Variants in HK1 observed in about 807,000 individuals in gnomAD.
HK1 encodes the protein hexokinase-1.
In HK1, 28 loss-of-function variants were observed where a neutral mutation model predicts 91.6. The observed-to-expected ratio is 0.31, with a 90% confidence interval of 0.23 to 0.42. HK1 has a LOEUF of 0.42. Ranked by LOEUF, HK1 falls within the 10% of genes least tolerant of loss-of-function variation. The pLI, the probability that HK1 is intolerant of heterozygous loss-of-function variation, is 1.00. For synonymous variants in HK1, 430 were observed against 468.1 expected (o/e 0.92, Z 1.05); for missense variants, 770 against 1,219.8 (o/e 0.63, Z 5.49).
intron 1 of HK1, chr10:69,270,976 T>G (rs1844127823): frequency 6.6e-6 from 1 of 152,246 alleles, no homozygotes; most frequent in Non-Finnish European, 1.5e-5. Flanking sequence ...TTCTTCTTCC[T>G]CACCCAATGG....
chr10:69,386,243 C>T lies in HK1; in HGVS notation c.1840-80C>T, dbSNP rs1339427498. On this transcript the variant is annotated intron_variant, in intron 12 of 17. Coordinates refer to ENST00000359426, the MANE Select transcript of HK1 (RefSeq NM_000188.3). ...TGTAAGCCCTCAGCAGTTGTTGACT[C>T]AGGAGGGAGGGTTGGAATTTTGTGT... The T allele has an allele frequency of 1.2e-5, 13 of 1,109,820 alleles. No individual in the cohort carries two copies. In the Admixed American group the frequency reaches 2.1e-4, roughly 18 times the overall value. 68.7% of individuals were successfully genotyped at this position (1,109,820 alleles called of 1,614,324 possible). A position where few individuals can be genotyped will look rare whatever the true frequency, so the allele number is the denominator to read the frequency against.
At chr10:69,386,547 G>T (rs1481316612) in intron 13 of HK1, 129 bp downstream of exon 13, 4 of 654,578 alleles carry the variant, frequency 6.1e-6, no homozygotes, top group Non-Finnish European at 1.1e-5. Context: ...ACTTTGGGAG[G>T]CCGAGGCGGG....
chr10:69,394,787 G>A (rs997384234), intron 15 of HK1, among the ~76,000 whole-genome samples, 163 bp from the exon 16 acceptor site: 9 of 152,128 alleles, frequency 5.9e-5, no homozygotes, highest in African/African-American at 2.2e-4. Context: ...GGTCCTTCCT[G>A]GTCCTCCCAC....
chr10:69,384,813 C>T lies in HK1; in HGVS notation c.1737C>T (p.Val579=), dbSNP rs777974873. The T allele has an allele frequency of 1.2e-5, 20 of 1,614,098 alleles. No homozygotes were observed. The African/African-American group carries it at 2.0e-4, about 16-fold the overall frequency. ...GTGEELFDHI[V]SCISDFLDYM... The stretch of plus-strand genomic sequence containing the variant: ...CCCTGCAGCTGTTTGATCACATTGT[C>T]TCCTGCATCTCTGACTTCTTGGACT... Residue 579 remains valine (V), a synonymous_variant, in exon 12 of 18, where the codon GTC becomes GTT. Coordinates refer to ENST00000359426, the MANE Select transcript of HK1 (RefSeq NM_000188.3).
At chr10:69,288,805 T>G (rs184417904) in intron 3 of HK1, 1 of 1,593,406 alleles carries the variant, frequency 6.3e-7, no homozygotes, top group African/African-American at 1.3e-5. Context: ...CTTTCTTTTT[T>G]TGAGACGTTT....
intron 1 of HK1, chr10:69,338,052 GC>G: frequency 5.8e-6 from 1 of 171,702 alleles, no homozygotes; most frequent in Admixed American, 5.7e-5. Context: ...AGGGCTCTGA[GC>G]CAGGGAAGCT....
chr10:69,344,596 ACT>A (rs1848452299), intron 2 of HK1, among the ~76,000 whole-genome samples: 1 of 152,044 alleles, frequency 6.6e-6, no homozygotes, highest in Non-Finnish European at 1.5e-5. Context: ...GTATCCTTTC[ACT>A]CTGCATCCTG....
At chr10:69,390,785 C>T (rs1375286274) in intron 14 of HK1, among the ~76,000 whole-genome samples, 1 of 152,206 alleles carries the variant, frequency 6.6e-6, no homozygotes, top group South Asian at 2.1e-4. Flanking sequence ...CTCTCAGGTC[C>T]TGGCCCTAGC....
rs1017112023 is a variant in HK1, at chr10:69,369,896, C to T, written c.875+272C>T. On this transcript the variant is annotated intron_variant, in intron 7 of 17. Coordinates refer to ENST00000359426, the MANE Select transcript of HK1 (RefSeq NM_000188.3). This position sits in a 1 kb window ranked among gnomAD's most constrained non-coding sequence, Gnocchi z 4.4. The stretch of plus-strand genomic sequence containing the variant: ...GGGATTACAGGCATGCATCACCATG[C>T]CCAGCTAATTTTTGTATTTTTAGTA... Among the ~76,000 whole-genome samples the T allele has an allele frequency of 1.3e-5, 2 of 152,066 alleles. No homozygotes were observed. Among genetic ancestry groups the T allele is most frequent in the Non-Finnish European group, 2.9e-5 (2 of 68,016 alleles).
chr10:69,304,275 A>ATTTAT (rs1846003943), intron 5 of HK1, among the ~76,000 whole-genome samples: 1 of 143,388 alleles, frequency 7.0e-6, no homozygotes, highest in African/African-American at 2.6e-5. Context: ...TTTTATTTTT[A>ATTTAT]TTATTTATTT....
intron 2 of HK1, among the ~76,000 whole-genome samples, chr10:69,359,052 AATT>A (rs1849285520): frequency 6.8e-6 from 1 of 146,976 alleles, no homozygotes; most frequent in South Asian, 2.1e-4. Flanking sequence ...TGTCTCTATT[AATT>A]AAAAAAAAAA....
At chr10:69,292,075 A>T (rs568636882) in intron 3 of HK1, among the ~76,000 whole-genome samples, 68 of 151,840 alleles carry the variant, frequency 4.5e-4, no homozygotes, top group African/African-American at 1.5e-3. Flanking sequence ...AATTTTTTTT[A>T]ATTTTATTTT....
chr10:69,382,143 A>G (rs1181650884), intron 9 of HK1, among the ~76,000 whole-genome samples: 1 of 152,236 alleles, frequency 6.6e-6, no homozygotes, highest in Non-Finnish European at 1.5e-5. Flanking sequence ...TAATCCCAGC[A>G]CTTGGGAAGC....
At chr10:69,310,006 C>T (rs1009385293) in intron 5 of HK1, among the ~76,000 whole-genome samples, 2 of 146,980 alleles carry the variant, frequency 1.4e-5, no homozygotes, top group African/African-American at 2.5e-5. Context: ...GCCGGGATCA[C>T]GCTACTGCAC....
chr10:69,379,640 G>T (rs985018153), intron 8 of HK1, among the ~76,000 whole-genome samples: 1 of 152,154 alleles, frequency 6.6e-6, no homozygotes, highest in African/African-American at 2.4e-5. Flanking sequence ...GCTTGGCATA[G>T]TGCAACCTGG....
At chr10:69,300,408 T>C in intron 4 of HK1, 1 of 631,484 alleles carries the variant, frequency 1.6e-6, no homozygotes, top group Non-Finnish European at 2.7e-6. Context: ...GGCATTTTAT[T>C]TGTAAATATG....
intron 7 of HK1, among the ~76,000 whole-genome samples, chr10:69,370,363 A>G (rs963987341): frequency 1.3e-5 from 2 of 152,148 alleles, no homozygotes; most frequent in Non-Finnish European, 2.9e-5. Flanking sequence ...CCCCTGCTGC[A>G]TGAAAATTAA....
At position 69,347,262 on chromosome 10, in the gene HK1, C is replaced by T. The variant is rs111388220; in HGVS notation, c.226+3273C>T. Among the ~76,000 whole-genome samples, 176 of 151,952 alleles carry T rather than the reference C, an allele frequency of 1.2e-3. 1 individual carries two copies. Among genetic ancestry groups the T allele is most frequent in the African/African-American group, 3.8e-3 (157 of 41,452 alleles). On this transcript the variant is annotated intron_variant, in intron 2 of 17. Transcript: ENST00000359426. The stretch of plus-strand genomic sequence containing the variant: ...CTGACCTCAGGTGATCCACCCGCCT[C>T]GGCCTCCCAAAGTGCTGGGATTACA...
chr10:69,381,546 CT>C (rs35306200), intron 9 of HK1, among the ~76,000 whole-genome samples: 2,869 of 132,192 alleles, frequency 0.022, 28 homozygotes, highest in East Asian at 0.076. Flanking sequence ...TCATCTTAAC[CT>C]TTTTTTTTTT....
Sources: gnomAD v4.1 joint callset for allele counts (sites outside exome capture counted in the v4.1 genomes callset) on GRCh38, gnomAD v4.1.1 for gene constraint, Gnocchi (gnomAD v3.1) non-coding constraint, MANE v1.5 for transcripts, NCBI Gene and HGNC (gene_info 2026-07-23, HGNC 2026-07-21) for gene names.